Variants in PTPRD observed in about 807,000 individuals in gnomAD.
PTPRD encodes the protein protein tyrosine phosphatase receptor type D, also known as receptor-type tyrosine-protein phosphatase delta.
A neutral mutation model predicts 214.5 loss-of-function variants in PTPRD; 34 were observed. The observed-to-expected ratio is 0.16, with a 90% CI of 0.12 to 0.21. The LOEUF (loss-of-function observed/expected upper bound fraction) is 0.21. PTPRD is among the 10% of genes least tolerant of loss of function. The pLI is 1.00. For synonymous variants in PTPRD, 1,128 were observed against 845.7 expected (o/e 1.33, Z -5.79); for missense variants, 2,545 against 2,398.7 (o/e 1.06, Z -1.27).
intron 9 of PTPRD, among the ~76,000 whole-genome samples, chr9:9,216,940 A>G (rs1322450290): frequency 6.6e-6 from 1 of 151,772 alleles, no homozygotes; most frequent in African/African-American, 2.4e-5. Context: ...TTTTTTTTCT[A>G]TTATTTCCCA....
chr9:10,194,583 C>G (rs185197478), intron 3 of PTPRD, among the ~76,000 whole-genome samples: 3 of 151,984 alleles, frequency 2.0e-5, no homozygotes, highest in Non-Finnish European at 4.4e-5. Context: ...CATGAACCTA[C>G]CTCATACCCA....
At chr9:9,018,294 C>T (rs2099544809) in intron 11 of PTPRD, among the ~76,000 whole-genome samples, 1 of 152,130 alleles carries the variant, frequency 6.6e-6, no homozygotes, top group Admixed American at 6.6e-5. Context: ...TCACTGCTCA[C>T]TAACCTACTC....
intron 30 of PTPRD, among the ~76,000 whole-genome samples, chr9:8,473,359 C>G (rs2096696580): frequency 6.6e-6 from 1 of 152,034 alleles, no homozygotes; most frequent in African/African-American, 2.4e-5. Context: ...AGTAAGCTTC[C>G]CCCTCTCCTG....
chr9:9,076,829 T>A (rs1329138194), intron 10 of PTPRD, among the ~76,000 whole-genome samples: 1 of 150,994 alleles, frequency 6.6e-6, no homozygotes, highest in Non-Finnish European at 1.5e-5. Context: ...AGCTGTGGGA[T>A]TGCTGGAACA....
At chr9:10,511,456 T>G (rs1369829693) in intron 2 of PTPRD, among the ~76,000 whole-genome samples, 1 of 152,062 alleles carries the variant, frequency 6.6e-6, no homozygotes, top group Non-Finnish European at 1.5e-5. Flanking sequence ...CAGGCTGTAG[T>G]GCGATGGTGC....
intron 11 of PTPRD, among the ~76,000 whole-genome samples, chr9:8,855,175 C>A (rs2097892832): frequency 6.6e-6 from 1 of 150,720 alleles, no homozygotes; most frequent in Non-Finnish European, 1.5e-5. Context: ...TTGCATATGC[C>A]ATACCAGGAT....
chr9:9,927,353 G>A (rs1029762167), intron 5 of PTPRD, among the ~76,000 whole-genome samples: 1 of 151,982 alleles, frequency 6.6e-6, no homozygotes, highest in African/African-American at 2.4e-5. Context: ...TGAAAGCATT[G>A]CTAGCTGTCC....
chr9:9,683,979 G>A (rs549659751), intron 7 of PTPRD, among the ~76,000 whole-genome samples: 6 of 151,468 alleles, frequency 4.0e-5, no homozygotes, highest in African/African-American at 7.3e-5. Flanking sequence ...GCCAAAACAC[G>A]CTCTGAAAAT....
intron 9 of PTPRD, among the ~76,000 whole-genome samples, chr9:9,236,828 C>T (rs906363141): frequency 1.3e-5 from 2 of 151,956 alleles, no homozygotes; most frequent in Non-Finnish European, 2.9e-5. Flanking sequence ...GTGTTAAGCC[C>T]CACTGTGGCT....
chr9:9,836,919 T>C (rs1361843411), intron 5 of PTPRD, among the ~76,000 whole-genome samples: 1 of 152,212 alleles, frequency 6.6e-6, no homozygotes, highest in Non-Finnish European at 1.5e-5. Context: ...ATGACTGTTA[T>C]ACCTCTTTCA....
At chr9:8,489,027 T>A (rs937043529) in intron 27 of PTPRD, among the ~76,000 whole-genome samples, 2 of 152,190 alleles carry the variant, frequency 1.3e-5, no homozygotes, top group East Asian at 1.9e-4. Flanking sequence ...AAAGCTAGGA[T>A]AAATAAAAAT....
At chr9:9,638,606 C>A (rs541564243) in intron 7 of PTPRD, among the ~76,000 whole-genome samples, 1 of 152,312 alleles carries the variant, frequency 6.6e-6, no homozygotes, top group South Asian at 2.1e-4. Flanking sequence ...GCAAAGTAGA[C>A]TTCTTCCAGT....
At chr9:8,423,965 T>C (rs1409742868) in intron 35 of PTPRD, among the ~76,000 whole-genome samples, 1 of 152,140 alleles carries the variant, frequency 6.6e-6, no homozygotes, top group Non-Finnish European at 1.5e-5. Flanking sequence ...AAGCTTAGGA[T>C]GGAATGCTAT....
Position 9,634,558 on chromosome 9 carries a change from T to C in PTPRD, c.-286-59777A>G, listed in dbSNP as rs535364757. 3.3e-4 allele frequency among the ~76,000 whole-genome samples: 50 copies of C among 152,266 alleles called. No homozygotes were observed. In the South Asian group the frequency reaches 8.7e-3, roughly 27 times the overall value. On this transcript the variant is annotated intron_variant, in intron 7 of 45. Transcript: ENST00000381196. ...TGTTTCTACCATAAGAGGAAGGAAA[T>C]AAATGCTTGATCATATCTTTACCAG...
chr9:8,928,176 T>C (rs542296734), intron 11 of PTPRD, among the ~76,000 whole-genome samples: 1 of 152,196 alleles, frequency 6.6e-6, no homozygotes, highest in Non-Finnish European at 1.5e-5. Flanking sequence ...GACGATAGTT[T>C]CTTTTGCTGT....
At chr9:9,094,826 G>A (rs892753974) in intron 10 of PTPRD, among the ~76,000 whole-genome samples, 10 of 151,990 alleles carry the variant, frequency 6.6e-5, no homozygotes, top group East Asian at 1.9e-4. Flanking sequence ...AAAACTTTAC[G>A]AGGCTAGCAT....
intron 5 of PTPRD, among the ~76,000 whole-genome samples, chr9:9,842,670 GT>G (rs71485305): frequency 0.022 from 3,081 of 137,954 alleles, 55 homozygotes; most frequent in South Asian, 0.037. Flanking sequence ...TAAAAAAGTT[GT>G]TTTTTTTTTT....
intron 30 of PTPRD, among the ~76,000 whole-genome samples, chr9:8,483,662 C>A (rs1388710494): frequency 6.6e-6 from 1 of 152,090 alleles, no homozygotes; most frequent in Non-Finnish European, 1.5e-5. Flanking sequence ...TGAGGCAATC[C>A]CAGCTACTTG....
At chr9:9,453,634 G>T (rs1453411948) in intron 8 of PTPRD, among the ~76,000 whole-genome samples, 1 of 151,624 alleles carries the variant, frequency 6.6e-6, no homozygotes, top group Non-Finnish European at 1.5e-5. Flanking sequence ...AATATGAGGT[G>T]TATATGTTTG....
Sources: allele counts gnomAD v4.1 joint callset (sites outside exome capture counted in the v4.1 genomes callset), GRCh38; gene constraint gnomAD v4.1.1; transcripts MANE v1.5; gene names NCBI Gene and HGNC (gene_info 2026-07-23, HGNC 2026-07-21).